The following BPIFB6 variants were observed in gnomAD, a reference collection of about 807,000 sequenced individuals.
BPIFB6 encodes the protein BPI fold-containing family B member 6.
In BPIFB6, 47 loss-of-function variants were observed where a neutral mutation model predicts 54.7. The observed-to-expected ratio is 0.86, with a 90% CI of 0.68 to 1.10. BPIFB6 has a LOEUF of 1.10. Ranked by LOEUF, BPIFB6 falls within the 50% of genes least tolerant of loss-of-function variation. The pLI is 0.00. For synonymous variants in BPIFB6, 255 were observed against 225.9 expected (o/e 1.13, Z -1.16); for missense variants, 603 against 564.1 (o/e 1.07, Z -0.70).
At chr20:33,043,481 C>A in intron 14 of BPIFB6, 114 bp downstream of exon 14, 1 of 945,296 alleles carries the variant, frequency 1.1e-6, no homozygotes, top group South Asian at 1.4e-5. Context: ...GGGCAGGTGG[C>A]CATCAATATA....
chr20:33,040,348 C>G, intron 11 of BPIFB6, 30 bp downstream of exon 11: 25 of 1,606,074 alleles, frequency 1.6e-5, no homozygotes, highest in East Asian at 2.2e-5. Flanking sequence ...TGCTGGCATC[C>G]CTGTTACCTT....
chr20:33,033,758 C>T (rs2070315), intron 2 of BPIFB6: 172,395 of 426,956 alleles, frequency 0.4, 36,880 homozygotes, highest in East Asian at 0.78. Flanking sequence ...ATGCTACTGG[C>T]ATCTACTGGG....
intron 10 of BPIFB6, 67 bp downstream of exon 10, chr20:33,039,587 AT>A: frequency 6.7e-7 from 1 of 1,502,408 alleles, no homozygotes; most frequent in Non-Finnish European, 9.0e-7. Flanking sequence ...GGAGGATGGG[AT>A]TTTTAGTTGA....
At chr20:33,035,349 T>C (rs1029935696) in intron 5 of BPIFB6, among the ~76,000 whole-genome samples, 3 of 152,142 alleles carry the variant, frequency 2.0e-5, no homozygotes, top group African/African-American at 7.2e-5. Flanking sequence ...AATGACAGCC[T>C]GCATGCACAG....
Position 33,039,476 on chromosome 20 carries a change from C to T in BPIFB6, c.1030C>T (p.Arg344Trp), listed in dbSNP as rs766503313. 21 of 1,613,810 alleles carry T rather than the reference C, an allele frequency of 1.3e-5. No individual in the cohort carries two copies. The highest frequency in any genetic ancestry group is 1.1e-4 in the East Asian group (5 of 44,886). Residue 344 changes from arginine (R) to tryptophan (W), a missense_variant, in exon 10 of 15, where the codon CGG becomes TGG. Physicochemically the swap from Arg to Trp is moderately radical, Grantham distance 101. Transcript: ENST00000349552. ...CAGCACCCTGGAGATGTTCGCAGCT[C>T]GGTGGCGGAGCAAGGCTCCAATGTC... ...LHSTLEMFAA[R>W]WRSKAPMSLF...
chr20:33,036,421 G>T (rs1979343519), intron 6 of BPIFB6, 24 bp from the exon 7 acceptor site: 2 of 1,592,494 alleles, frequency 1.3e-6, no homozygotes, highest in Admixed American at 1.7e-5. Flanking sequence ...GTGCCTCTTT[G>T]AGTGGAACCT....
intron 12 of BPIFB6, 120 bp from the exon 13 acceptor site, chr20:33,042,695 C>A: frequency 2.2e-6 from 2 of 923,520 alleles, no homozygotes; most frequent in Non-Finnish European, 3.3e-6. Context: ...GCTGGACAAA[C>A]CATTTGATGT....
chr20:33,035,547 C>A, intron 5 of BPIFB6, 65 bp from the exon 6 acceptor site: 1 of 1,538,322 alleles, frequency 6.5e-7, no homozygotes, highest in Admixed American at 1.7e-5. Context: ...CGTGGTGTAC[C>A]ATTCAGCTGT....
chr20:33,032,772 C>T (rs1015504853), intron 1 of BPIFB6, among the ~76,000 whole-genome samples: 2 of 152,232 alleles, frequency 1.3e-5, no homozygotes, highest in South Asian at 4.1e-4. Flanking sequence ...CAGCTCTTCT[C>T]TTCCTACCTA....
intron 8 of BPIFB6, 86 bp from the exon 9 acceptor site, chr20:33,038,823 G>T (rs1979452898): frequency 3.1e-6 from 4 of 1,299,094 alleles, no homozygotes; most frequent in Non-Finnish European, 4.5e-6. Context: ...GCCTCAAAGG[G>T]TACACCTTGT....
intron 7 of BPIFB6, among the ~76,000 whole-genome samples, chr20:33,037,245 C>G (rs1443532335): frequency 6.6e-6 from 1 of 152,228 alleles, no homozygotes; most frequent in Non-Finnish European, 1.5e-5. Context: ...GTCTCTTTCT[C>G]TTGAGAACAA....
chr20:33,041,458 A>G (rs1453192534), intron 11 of BPIFB6, among the ~76,000 whole-genome samples: 1 of 152,184 alleles, frequency 6.6e-6, no homozygotes, highest in Non-Finnish European at 1.5e-5. Flanking sequence ...GGTTTAGCCC[A>G]TCTGAATGAC....
chr20:33,037,673 A>G lies in BPIFB6; in HGVS notation c.781A>G (p.Thr261Ala). 6.2e-7 allele frequency: 1 copy of G among 1,614,074 alleles called. No individual in the cohort carries two copies. The highest frequency in any genetic ancestry group is 1.1e-5 in the South Asian group (1 of 91,072). Residue 261 changes from threonine (T) to alanine (A), a missense_variant, in exon 8 of 15, where the codon ACC (threonine) becomes GCC (alanine). Transcript: ENST00000349552. ...KGSSQLLLPA[T>A]FLSAELALLQ... ...CTCGTCGCAGCTGCTGCTCCCAGCC[A>G]CCTTCCTCTCTGCAGAGCTTGCCCT... is the stretch of plus-strand genomic sequence containing the variant.
chr20:33,042,829 T>A lies in BPIFB6; in HGVS notation c.1203T>A (p.Thr401=), dbSNP rs200894613. The A allele has an allele frequency of 1.3e-4, 203 of 1,614,054 alleles. No homozygotes were observed. The highest frequency in any genetic ancestry group is 1.6e-4 in the Non-Finnish European group (193 of 1,179,982). ...CTTCTTTCCAGGAGAGGGAATTAAC[T>A]GGCTTCATCACCAGCTATCTCGAAG... ...SIGNFNEREL[T]GFITSYLEEA... is the part of the protein sequence containing the mutation. The change falls in exon 13 of 15, where the codon ACT becomes ACA. Residue 401 remains threonine (T), a synonymous_variant. Transcript: ENST00000349552.
chr20:33,040,235 C>T lies in BPIFB6; in HGVS notation c.1075-16C>T. 2 of 1,613,378 alleles carry T rather than the reference C, an allele frequency of 1.2e-6. No individual in the cohort carries two copies. The highest frequency in any genetic ancestry group is 1.7e-6 in the Non-Finnish European group (2 of 1,179,454). ...GAACCCACTGCCTTCTCCCTGCTTCCTCCCCACCATGCCAGCACTTCAATC... is the reference window on the plus strand; with the variant it reads ...GAACCCACTGCCTTCTCCCTGCTTCTTCCCCACCATGCCAGCACTTCAATC... On this transcript the variant is annotated splice_polypyrimidine_tract_variant and intron_variant, in intron 10 of 14. Transcript: ENST00000349552.
intron 7 of BPIFB6, among the ~76,000 whole-genome samples, 200 bp downstream of exon 7, chr20:33,036,736 C>A (rs1301300967): frequency 6.6e-6 from 1 of 152,186 alleles, no homozygotes; most frequent in Non-Finnish European, 1.5e-5. Context: ...ACCTTCAGTG[C>A]CCCAGCTGGC....
At position 33,036,284 on chromosome 20, in the gene BPIFB6, G is replaced by A. The variant is rs140368736; in HGVS notation, c.578-161G>A. 5.3e-4 allele frequency among the ~76,000 whole-genome samples: 80 copies of A among 152,284 alleles called. No homozygotes were observed. In the East Asian group the frequency reaches 0.014, roughly 26 times the overall value. On this transcript the variant is annotated intron_variant, in intron 6 of 14. Transcript: ENST00000349552. ...GTGATTTTCCAGGCCAGGAACCATG[G>A]CCTCTATTCTACAGATGAAGTTACA...
At chr20:33,040,171 A>T in intron 10 of BPIFB6, 80 bp from the exon 11 acceptor site, 4 of 1,251,010 alleles carry the variant, frequency 3.2e-6, no homozygotes, top group Non-Finnish European at 4.7e-6. Context: ...TAGTGCTGGG[A>T]GGGTGGTGGT....
At position 33,033,034 on chromosome 20, in the gene BPIFB6, G is replaced by A. The variant is rs755029595; in HGVS notation, c.148G>A (p.Glu50Lys). 3.0e-5 allele frequency: 49 copies of A among 1,613,960 alleles called. No individual in the cohort carries two copies. The highest frequency in any genetic ancestry group is 2.4e-4 in the South Asian group (22 of 91,086). ...TCATATCCTGGAGAAGATGGCAGCC[G>A]AGGCAGGCAAGAAACAGCCAGGGAT... Reference protein sequence around the residue: ...ESHILEKMAAEAGKKQPGMKP... With the variant: ...ESHILEKMAAKAGKKQPGMKP... Residue 50 changes from glutamate (E) to lysine (K), a missense_variant, in exon 2 of 15, where the codon GAG becomes AAG. By Grantham distance (56) the Glu-to-Lys change is moderately conservative (BLOSUM62 1). Transcript: ENST00000349552.
Sources: allele counts gnomAD v4.1 joint callset (sites outside exome capture counted in the v4.1 genomes callset), GRCh38; gene constraint gnomAD v4.1.1; transcripts MANE v1.5; gene names NCBI Gene and HGNC (gene_info 2026-07-23, HGNC 2026-07-21).